The following PARD3 variants were observed in gnomAD, a reference collection of about 807,000 sequenced individuals.
PARD3 encodes par-3 family cell polarity regulator, also known as partitioning defective 3 homolog.
A neutral mutation model predicts 155.4 loss-of-function variants in PARD3; 75 were observed. The observed-to-expected ratio is 0.48, with a 90% CI of 0.40 to 0.58. The LOEUF is 0.58. Ranked by LOEUF, PARD3 falls within the 20% of genes least tolerant of loss-of-function variation. The pLI, the probability that PARD3 is intolerant of heterozygous loss-of-function variation, is 0.00. For missense variants in PARD3, 1,642 were observed against 1,721.7 expected, an observed-to-expected ratio of 0.95 and a Z score of 0.82; for synonymous variants, 576 against 610.5, an observed-to-expected ratio of 0.94 and a Z score of 0.83.
intron 2 of PARD3, among the ~76,000 whole-genome samples, chr10:34,556,873 C>G (rs1438918844): frequency 6.6e-6 from 1 of 152,132 alleles, no homozygotes; most frequent in Non-Finnish European, 1.5e-5. Flanking sequence ...AAGGGATACT[C>G]CTGTTCACAG....
rs751226132 is a variant in PARD3, at chr10:34,317,211, T to C, written c.2961A>G (p.Arg987=). Residue 987 remains arginine, a synonymous_variant, in exon 20 of 25, where the codon AGA becomes AGG. Transcript: ENST00000374788. ...TTTCTTTTCCAGTTTTATCCTTTTT[T>C]CTATCAGTCTTATCACCTTTCTCTT... ...GNQEKGDKTD[R]KKDKTGKEKK... 1.2e-4 allele frequency: 194 copies of C among 1,613,942 alleles called. No homozygotes were observed. The Middle Eastern group carries it at 2.3e-3, about 19-fold the overall frequency.
chr10:34,470,789 T>A (rs987533944), intron 3 of PARD3, among the ~76,000 whole-genome samples: 14 of 152,210 alleles, frequency 9.2e-5, no homozygotes, highest in African/African-American at 3.4e-4. Context: ...TACCTTTTAA[T>A]CATATCTACT....
intron 5 of PARD3, among the ~76,000 whole-genome samples, chr10:34,413,447 C>CA (rs1845327112): frequency 6.9e-6 from 1 of 144,126 alleles, no homozygotes; most frequent in Non-Finnish European, 1.5e-5. Context: ...CCAGCTCTAC[C>CA]TTTTTTTTTT....
intron 15 of PARD3, chr10:34,346,368 A>G: frequency 7.7e-7 from 1 of 1,305,388 alleles, no homozygotes; most frequent in Non-Finnish European, 1.0e-6. Context: ...CTTCCTCTGA[A>G]GCATCAGGGA....
intron 1 of PARD3, among the ~76,000 whole-genome samples, chr10:34,698,338 T>C (rs1364571732): frequency 2.0e-5 from 3 of 152,148 alleles, no homozygotes; most frequent in Non-Finnish European, 2.9e-5. Context: ...ATTTCCACCT[T>C]TTCCCCAGCA....
chr10:34,343,924 C>T (rs1589243925), intron 15 of PARD3: 1 of 981,044 alleles, frequency 1.0e-6, no homozygotes, highest in East Asian at 1.1e-4. Flanking sequence ...GAAGGTAACA[C>T]CACACATGAT....
At chr10:34,494,737 A>T (rs531933993) in intron 3 of PARD3, among the ~76,000 whole-genome samples, 13 of 152,304 alleles carry the variant, frequency 8.5e-5, no homozygotes, top group Admixed American at 5.2e-4. Context: ...TAAAATACAG[A>T]TATGTTAAGT....
intron 7 of PARD3, among the ~76,000 whole-genome samples, chr10:34,384,912 GCCAATCA>G (rs1263219704): frequency 1.3e-5 from 2 of 152,122 alleles, no homozygotes; most frequent in East Asian, 3.9e-4. Flanking sequence ...TTCAAATAAT[GCCAATCA>G]CCATTCATCT....
chr10:34,132,448 C>G (rs1171613658), intron 22 of PARD3, among the ~76,000 whole-genome samples: 1 of 152,000 alleles, frequency 6.6e-6, no homozygotes, highest in Non-Finnish European at 1.5e-5. Flanking sequence ...GATTTTCTGG[C>G]TCCCAGTCCA....
chr10:34,158,453 C>A (rs1024479903), intron 22 of PARD3, among the ~76,000 whole-genome samples: 1 of 152,162 alleles, frequency 6.6e-6, no homozygotes, highest in African/African-American at 2.4e-5. Context: ...ACCCATGTGG[C>A]TAAGGCTAGG....
At chr10:34,611,305 C>T (rs1203000751) in intron 2 of PARD3, among the ~76,000 whole-genome samples, 1 of 152,128 alleles carries the variant, frequency 6.6e-6, no homozygotes, top group Admixed American at 6.5e-5. Context: ...TAAATGTTTT[C>T]CATCACAACT....
intron 1 of PARD3, among the ~76,000 whole-genome samples, chr10:34,710,165 T>C (rs1012644869): frequency 6.6e-6 from 1 of 152,174 alleles, no homozygotes; most frequent in African/African-American, 2.4e-5. Flanking sequence ...GAACTAGCTA[T>C]ACACGTAAAA....
chr10:34,296,120 CTGCTTTCAATGACTAGGTTCTTCAT>C (rs1564557608), intron 20 of PARD3, among the ~76,000 whole-genome samples: 15 of 152,326 alleles, frequency 9.8e-5, no homozygotes, highest in African/African-American at 3.6e-4. Context: ...TTTACCTCCA[CTGCTTTCAATGACTAGGTTCTTCAT>C]TTAGATTTAC....
rs115251431 is a variant in PARD3, at chr10:34,147,041, A to G, written c.3420-15458T>C. Among the ~76,000 whole-genome samples the G allele has an allele frequency of 5.1e-3, 775 of 152,282 alleles. 3 individuals are homozygous for G. Among genetic ancestry groups the G allele is most frequent in the African/African-American group, 0.017 (693 of 41,556 alleles). On this transcript the variant is annotated intron_variant, in intron 22 of 24. Transcript: ENST00000374788. ...TCCTTGTGTTTGAAAATCCTTCTAGAAAGTAATAAAGGTCTCATCCATCTT... is the reference window on the plus strand; with the variant it reads ...TCCTTGTGTTTGAAAATCCTTCTAGGAAGTAATAAAGGTCTCATCCATCTT...
At chr10:34,603,935 A>C (rs2090006025) in intron 2 of PARD3, among the ~76,000 whole-genome samples, 1 of 152,136 alleles carries the variant, frequency 6.6e-6, no homozygotes, top group South Asian at 2.1e-4. Flanking sequence ...TCCTGGAGTA[A>C]GGCGGTGACG....
chr10:34,513,926 T>G (rs532919145), intron 3 of PARD3, among the ~76,000 whole-genome samples: 1 of 152,254 alleles, frequency 6.6e-6, no homozygotes, highest in African/African-American at 2.4e-5. Context: ...AAATGTTCCT[T>G]GGGGAGAAAA....
chr10:34,346,564 A>G, intron 15 of PARD3: 1 of 1,204,026 alleles, frequency 8.3e-7, no homozygotes, highest in Non-Finnish European at 1.1e-6. Context: ...AAAATAATTT[A>G]ACAAAGATAA....
chr10:34,689,779 G>A (rs1443205455), intron 2 of PARD3, among the ~76,000 whole-genome samples: 3 of 152,096 alleles, frequency 2.0e-5, no homozygotes, highest in African/African-American at 7.2e-5. Flanking sequence ...TATTTAAAAA[G>A]ATCAAGCATA....
intron 22 of PARD3, among the ~76,000 whole-genome samples, chr10:34,215,743 C>G (rs1356521291): frequency 6.6e-6 from 1 of 152,110 alleles, no homozygotes; most frequent in Non-Finnish European, 1.5e-5. Context: ...TTCCTTTAAT[C>G]AAAAAAGATA....
Sources: allele counts gnomAD v4.1 joint callset (sites outside exome capture counted in the v4.1 genomes callset), GRCh38; gene constraint gnomAD v4.1.1; transcripts MANE v1.5; gene names NCBI Gene and HGNC (gene_info 2026-07-23, HGNC 2026-07-21).